The following HDAC9 variants were observed in gnomAD, a reference collection of about 807,000 sequenced individuals.
HDAC9 encodes histone deacetylase 9.
Under a neutral mutation model 139.4 loss-of-function variants are expected in HDAC9, and 41 were observed. That is an observed-to-expected ratio of 0.29 (90% CI 0.23 to 0.38). The LOEUF is 0.38. Ranked by LOEUF, HDAC9 falls within the 10% of genes least tolerant of loss-of-function variation. The pLI, the probability that HDAC9 is intolerant of heterozygous loss-of-function variation, is 1.00. For synonymous variants in HDAC9, 517 were observed against 476.2 expected, an observed-to-expected ratio of 1.09 and a Z score of -1.12; for missense variants, 1,147 against 1,297.0, an observed-to-expected ratio of 0.88 and a Z score of 1.78.
At chr7:18,212,109 C>T (rs1434286204) in intron 2 of HDAC9, among the ~76,000 whole-genome samples, 1 of 152,122 alleles carries the variant, frequency 6.6e-6, no homozygotes, top group African/African-American at 2.4e-5. Context: ...CTGCATGTTT[C>T]TGTCCAGCAC....
At chr7:18,549,837 G>A (rs1254600235) in intron 2 of HDAC9, among the ~76,000 whole-genome samples, 1 of 151,456 alleles carries the variant, frequency 6.6e-6, no homozygotes, top group Non-Finnish European at 1.5e-5. Flanking sequence ...TTATTTTGAA[G>A]TAAATTGGGA....
At chr7:18,688,679 G>A (rs1782452123) in intron 12 of HDAC9, among the ~76,000 whole-genome samples, 2 of 151,852 alleles carry the variant, frequency 1.3e-5, no homozygotes, top group East Asian at 3.9e-4. Flanking sequence ...GAGATAATTG[G>A]TTAGACAAGT....
chr7:18,429,455 G>T (rs1204241313), intron 1 of HDAC9: 1 of 151,940 alleles, frequency 6.6e-6, no homozygotes, highest in Non-Finnish European at 1.5e-5. Context: ...CATTTTTATA[G>T]AAAAGTTAAC....
intron 17 of HDAC9, among the ~76,000 whole-genome samples, chr7:18,805,074 G>T (rs1216085874): frequency 6.6e-6 from 1 of 152,204 alleles, no homozygotes; most frequent in Admixed American, 6.5e-5. Flanking sequence ...TGGGATTACA[G>T]GCATGAGCCC....
chr7:18,356,740 G>T (rs1363684058), intron 1 of HDAC9, among the ~76,000 whole-genome samples: 1 of 151,676 alleles, frequency 6.6e-6, no homozygotes, highest in Non-Finnish European at 1.5e-5. Flanking sequence ...ATTGTCATAA[G>T]AATTCCTGAC....
chr7:18,189,081 A>G (rs1382687745), intron 2 of HDAC9, among the ~76,000 whole-genome samples: 3 of 152,180 alleles, frequency 2.0e-5, no homozygotes, highest in African/African-American at 4.8e-5. Context: ...TAGCAAAGAC[A>G]TGGAACCAAC....
upstream of HDAC9, among the ~76,000 whole-genome samples, chr7:18,495,278 CA>C (rs1796708395): frequency 6.6e-6 from 1 of 152,058 alleles, no homozygotes; most frequent in Admixed American, 6.6e-5. Flanking sequence ...ACATTATGAG[CA>C]AAAGCTTCCA....
chr7:18,378,986 G>A (rs191482377), intron 1 of HDAC9, among the ~76,000 whole-genome samples: 2 of 152,046 alleles, frequency 1.3e-5, no homozygotes, highest in Non-Finnish European at 2.9e-5. Context: ...TAAAACCAAA[G>A]TTTGCTTTTT....
chr7:18,608,215 T>G (rs1198046156), intron 6 of HDAC9, among the ~76,000 whole-genome samples: 1 of 152,160 alleles, frequency 6.6e-6, no homozygotes, highest in Non-Finnish European at 1.5e-5. Context: ...TGTATTTTCC[T>G]TAAATTTTCA....
chr7:18,797,972 A>G (rs1792955114), intron 17 of HDAC9, among the ~76,000 whole-genome samples: 1 of 148,756 alleles, frequency 6.7e-6, no homozygotes, highest in Non-Finnish European at 1.5e-5. Flanking sequence ...ATGTGGAGAT[A>G]TATATATATA....
At chr7:18,829,347 A>C in intron 18 of HDAC9, 114 bp from the exon 19 acceptor site, 1 of 1,104,150 alleles carries the variant, frequency 9.1e-7, no homozygotes, top group Non-Finnish European at 1.4e-6. Flanking sequence ...TCCCAGAAGC[A>C]GATTTATGGC....
At chr7:18,861,005 A>G (rs888993648) in intron 21 of HDAC9, among the ~76,000 whole-genome samples, 5 of 152,174 alleles carry the variant, frequency 3.3e-5, no homozygotes, top group African/African-American at 1.2e-4. Context: ...AGTCCTTACA[A>G]ATATGGAAAG....
chr7:18,483,312 A>G (rs575591572), intron 1 of HDAC9, among the ~76,000 whole-genome samples: 58 of 152,344 alleles, frequency 3.8e-4, no homozygotes, highest in African/African-American at 1.2e-3. Flanking sequence ...GACATGTGCG[A>G]AAGCATTGAT....
intron 2 of HDAC9, among the ~76,000 whole-genome samples, chr7:18,252,354 G>C (rs1794969858): frequency 1.3e-5 from 2 of 152,132 alleles, no homozygotes; most frequent in African/African-American, 2.4e-5. Context: ...ATGGGTAACA[G>C]ATGCACCATT....
chr7:18,965,502 T>C (rs982184434), intron 24 of HDAC9, among the ~76,000 whole-genome samples: 20 of 151,980 alleles, frequency 1.3e-4, no homozygotes, highest in African/African-American at 4.6e-4. Context: ...ACACAAGGAG[T>C]CATGTACAAG....
chr7:18,574,891 C>T (rs1825529889), intron 2 of HDAC9, among the ~76,000 whole-genome samples: 2 of 152,354 alleles, frequency 1.3e-5, no homozygotes, highest in Middle Eastern at 6.8e-3. Context: ...ACCAGGTCCC[C>T]GACTGTGCGC....
chr7:18,957,339 G>A (rs765231551), intron 24 of HDAC9, among the ~76,000 whole-genome samples: 7 of 152,144 alleles, frequency 4.6e-5, no homozygotes, highest in Non-Finnish European at 1.0e-4. Flanking sequence ...AATCGAGTGG[G>A]TATTTCAGAG....
chr7:18,332,540 A>AGGG (rs1243656441), intron 1 of HDAC9, among the ~76,000 whole-genome samples: 10 of 151,582 alleles, frequency 6.6e-5, no homozygotes, highest in Non-Finnish European at 1.2e-4. Flanking sequence ...CCAATAAAAG[A>AGGG]GGGGATGCAT....
chr7:18,680,939 C>A (rs186350237), intron 12 of HDAC9, among the ~76,000 whole-genome samples: 7 of 152,158 alleles, frequency 4.6e-5, no homozygotes, highest in Admixed American at 4.6e-4. Flanking sequence ...AAAAGGATGA[C>A]ATTTGGCCTT....
Sources: gnomAD v4.1 joint callset for allele counts (sites outside exome capture counted in the v4.1 genomes callset) on GRCh38, gnomAD v4.1.1 for gene constraint, MANE v1.5 for transcripts, NCBI Gene and HGNC (gene_info 2026-07-23, HGNC 2026-07-21) for gene names.